The following LGR4 variants were observed in gnomAD, a reference collection of about 807,000 sequenced individuals.
LGR4 encodes leucine rich repeat containing G protein-coupled receptor 4, also known as leucine-rich repeat-containing G protein-coupled receptor 4.
Under a neutral mutation model 84.8 loss-of-function variants are expected in LGR4, and 44 were observed. The ratio of observed to expected loss-of-function variants is 0.52; its 90% confidence interval spans 0.41 to 0.67. LGR4 has a LOEUF of 0.67. LGR4 is among the 30% of genes least tolerant of loss of function. LGR4 has a pLI of 0.00. For synonymous variants in LGR4, 429 were observed against 434.3 expected, an observed-to-expected ratio of 0.99 and a Z score of 0.15; for missense variants, 1,032 against 1,131.4, an observed-to-expected ratio of 0.91 and a Z score of 1.26.
chr11:27,425,230 T>C (rs1445392152), intron 1 of LGR4, among the ~76,000 whole-genome samples: 1 of 151,864 alleles, frequency 6.6e-6, no homozygotes, highest in Non-Finnish European at 1.5e-5. Context: ...AATGTAAGAT[T>C]GGAGGGTCAA....
chr11:27,434,887 T>C lies in LGR4; in HGVS notation c.186-22027A>G, dbSNP rs114152923. 8.1e-3 allele frequency among the ~76,000 whole-genome samples: 1,230 copies of C among 152,280 alleles called. 12 individuals carry two copies. The highest frequency in any genetic ancestry group is 0.027 in the African/African-American group (1,108 of 41,548). On this transcript the variant is annotated intron_variant, in intron 1 of 17. Transcript: ENST00000379214. ...CCCCAAAAGCCAAACGGTATGATCT[T>C]ACAATAAAAGATGGCCCCTTAAAGT...
rs1292266485 is a variant in LGR4 at position 27,368,417 on chromosome 11, G to A, written c.2306C>T (p.Ala769Val). The A allele has an allele frequency of 4.3e-6, 7 of 1,613,894 alleles. No individual in the cohort carries two copies. In the South Asian group the frequency reaches 7.7e-5, roughly 18 times the overall value. The change falls in exon 18 of 18, where the codon GCA (alanine) becomes GTA (valine). Residue 769 changes from alanine (A) to valine (V), a missense_variant. Ala to Val is a moderately conservative substitution (Grantham distance 64). Coordinates refer to ENST00000379214, the MANE Select transcript of LGR4 (RefSeq NM_018490.5). ...GATAGAGATTGCAGTGATCAATGGT[G>A]CAAATGAAAAAAACGCCACAGGGCA... Reference protein sequence around the residue: ...FFCPVAFFSFAPLITAISISP... With the variant: ...FFCPVAFFSFVPLITAISISP...
At chr11:27,417,785 C>A (rs754977339) in intron 1 of LGR4, among the ~76,000 whole-genome samples, 2 of 152,000 alleles carry the variant, frequency 1.3e-5, no homozygotes, top group Non-Finnish European at 2.9e-5. Flanking sequence ...AATCTGAAAT[C>A]GTATAGTTCT....
At chr11:27,408,912 G>C (rs1863660256) in intron 2 of LGR4, among the ~76,000 whole-genome samples, 1 of 152,072 alleles carries the variant, frequency 6.6e-6, no homozygotes. Context: ...GGAAAGTAAA[G>C]TGCAAAGATT....
chr11:27,391,235 CTTTT>C (rs35556457), intron 3 of LGR4, 70 bp from the exon 4 acceptor site: 7,149 of 438,426 alleles, frequency 0.016, no homozygotes, highest in Non-Finnish European at 0.02. Context: ...AATTCAGAGC[CTTTT>C]TTTTTTTTTT....
intron 1 of LGR4, among the ~76,000 whole-genome samples, chr11:27,428,876 A>C (rs540072232): frequency 6.6e-6 from 1 of 152,284 alleles, no homozygotes; most frequent in South Asian, 2.1e-4. Flanking sequence ...CACTGTGTGC[A>C]GCTTAAAGGC....
chr11:27,400,779 G>C (rs536518531), intron 2 of LGR4, among the ~76,000 whole-genome samples: 1 of 152,160 alleles, frequency 6.6e-6, no homozygotes, highest in African/African-American at 2.4e-5. Context: ...TTACAGGTGT[G>C]AGCCACCGCG....
At chr11:27,470,595 C>G (rs890499129) in intron 1 of LGR4, among the ~76,000 whole-genome samples, 1 of 151,830 alleles carries the variant, frequency 6.6e-6, no homozygotes, top group African/African-American at 2.4e-5. Flanking sequence ...GGTCTTCTTT[C>G]TCTTGATTCA....
rs907285173 is a variant in LGR4 at position 27,373,774 on chromosome 11, T to C, written c.1254-98A>G. ...CATCATAAATATTAGATCCCTAAGA[T>C]GAAGTTCAAGTGGGGGTGCTAAAAT... On this transcript the variant is annotated intron_variant, in intron 14 of 17. Transcript: ENST00000379214. The C allele has an allele frequency of 6.4e-6, 8 of 1,248,988 alleles. No homozygotes were observed. In the African/African-American group the frequency reaches 1.1e-4, roughly 17 times the overall value. The allele number at this position is 1,248,988 out of a possible 1,614,324, so 77.4% of individuals were successfully genotyped here.
In LGR4 at chr11:27,411,946, A is replaced by G. The variant is rs1413606312; in HGVS notation, c.257+843T>C. Among the ~76,000 whole-genome samples, 4 of 152,174 alleles carry G rather than the reference A, an allele frequency of 2.6e-5. No individual in the cohort carries two copies. The East Asian group carries it at 7.7e-4, about 29-fold the overall frequency. The stretch of plus-strand genomic sequence containing the variant: ...TATGAATTTAGATTCCTTCAGGGCT[A>G]TATCTCTTTGATGTTCTTAGTATCA... On this transcript the variant is annotated intron_variant, in intron 2 of 17. Transcript: ENST00000379214.
chr11:27,408,089 T>C (rs1863646654), intron 2 of LGR4, among the ~76,000 whole-genome samples: 1 of 152,154 alleles, frequency 6.6e-6, no homozygotes, highest in Non-Finnish European at 1.5e-5. Flanking sequence ...ATTACATATA[T>C]GAATTGAATA....
chr11:27,382,838 G>A (rs1276968910), intron 6 of LGR4, among the ~76,000 whole-genome samples: 2 of 152,036 alleles, frequency 1.3e-5, no homozygotes, highest in Non-Finnish European at 2.9e-5. Context: ...CCAACATAGT[G>A]AAAACCCATC....
chr11:27,371,000 C>A (rs1164389942), intron 17 of LGR4, among the ~76,000 whole-genome samples: 3 of 152,156 alleles, frequency 2.0e-5, no homozygotes, highest in Non-Finnish European at 4.4e-5. Flanking sequence ...GCAGCAATCA[C>A]TAGTGAATCC....
intron 11 of LGR4, among the ~76,000 whole-genome samples, 195 bp downstream of exon 11, chr11:27,378,501 AT>A (rs1801195642): frequency 6.6e-6 from 1 of 152,220 alleles, no homozygotes; most frequent in Admixed American, 6.5e-5. Flanking sequence ...TATATGATAT[AT>A]TCAAAACCCT....
intron 1 of LGR4, among the ~76,000 whole-genome samples, chr11:27,435,618 G>T (rs528043065): frequency 6.6e-6 from 1 of 151,372 alleles, no homozygotes; most frequent in South Asian, 2.1e-4. Flanking sequence ...CTCCCAAGTA[G>T]CTGGGATTAC....
intron 13 of LGR4, among the ~76,000 whole-genome samples, chr11:27,375,604 G>A (rs920962671): frequency 9.2e-5 from 14 of 152,212 alleles, no homozygotes; most frequent in Middle Eastern, 3.4e-3. Flanking sequence ...TATACTCTCC[G>A]CTGCAACTAC....
chr11:27,451,734 T>C (rs1009868042), intron 1 of LGR4, among the ~76,000 whole-genome samples: 6 of 152,170 alleles, frequency 3.9e-5, no homozygotes, highest in Admixed American at 3.9e-4. Context: ...TTAAGGCAAA[T>C]ATACTGAATC....
At chr11:27,463,862 T>G (rs1864729098) in intron 1 of LGR4, among the ~76,000 whole-genome samples, 1 of 152,254 alleles carries the variant, frequency 6.6e-6, no homozygotes, top group Non-Finnish European at 1.5e-5. Flanking sequence ...GTTCCCTTCT[T>G]ATGAACTCTG....
intron 2 of LGR4, among the ~76,000 whole-genome samples, chr11:27,397,986 A>G (rs1863421890): frequency 6.6e-6 from 1 of 152,212 alleles, no homozygotes; most frequent in Non-Finnish European, 1.5e-5. Context: ...ATTTGGAACC[A>G]TTCCAGGAAG....
Sources: allele counts gnomAD v4.1 joint callset (sites outside exome capture counted in the v4.1 genomes callset), GRCh38; gene constraint gnomAD v4.1.1; transcripts MANE v1.5; gene names NCBI Gene and HGNC (gene_info 2026-07-23, HGNC 2026-07-21).